The following LSM12 variants were observed in gnomAD, a reference collection of about 807,000 sequenced individuals.
LSM12 encodes protein LSM12.
For synonymous variants in LSM12, 74 were observed against 87.3 expected (o/e 0.85, Z 0.85); for missense variants, 108 against 238.9 (o/e 0.45, Z 3.61).
intron 2 of LSM12, among the ~76,000 whole-genome samples, chr17:44,051,379 G>A (rs2049641202): frequency 7.8e-6 from 1 of 128,384 alleles, no homozygotes; most frequent in Non-Finnish European, 1.6e-5. Context: ...GACAGAGCGA[G>A]ACTCCGTCTC....
chr17:44,041,011 A>G (rs1315635270), intron 2 of LSM12, among the ~76,000 whole-genome samples: 1 of 150,574 alleles, frequency 6.6e-6, no homozygotes, highest in Admixed American at 6.6e-5. Flanking sequence ...AAAAAAAAAT[A>G]CATACACATA....
At chr17:44,061,764 G>A (rs2049798311) in intron 2 of LSM12, among the ~76,000 whole-genome samples, 1 of 152,162 alleles carries the variant, frequency 6.6e-6, no homozygotes, top group South Asian at 2.1e-4. Flanking sequence ...ATTAATTCAA[G>A]AGACTTAATG....
chr17:44,059,140 G>A (rs1051895947), intron 2 of LSM12, among the ~76,000 whole-genome samples: 1 of 152,082 alleles, frequency 6.6e-6, no homozygotes, highest in Non-Finnish European at 1.5e-5. Flanking sequence ...CTGCACTCTA[G>A]CCTGGTCAAC....
intron 2 of LSM12, among the ~76,000 whole-genome samples, chr17:44,061,748 C>A (rs879616886): frequency 6.6e-6 from 1 of 152,146 alleles, no homozygotes; most frequent in Non-Finnish European, 1.5e-5. Flanking sequence ...GAAAAACTTC[C>A]ACCACATTAA....
At chr17:44,059,195 TACACAC>T (rs927202249) in intron 2 of LSM12, among the ~76,000 whole-genome samples, 1 of 151,640 alleles carries the variant, frequency 6.6e-6, no homozygotes, top group Non-Finnish European at 1.5e-5. Flanking sequence ...CACACACACA[TACACAC>T]ACACACGAAA....
At chr17:44,046,316 T>C (rs1214401207) in intron 2 of LSM12, among the ~76,000 whole-genome samples, 3 of 152,278 alleles carry the variant, frequency 2.0e-5, no homozygotes, top group Admixed American at 2.0e-4. Flanking sequence ...TTTACTTTTG[T>C]TAGGTAGATA....
chr17:44,037,811 T>C (rs1042208868), intron 3 of LSM12, among the ~76,000 whole-genome samples: 6 of 152,182 alleles, frequency 3.9e-5, no homozygotes, highest in Admixed American at 2.6e-4. Flanking sequence ...AAAAATGTGA[T>C]AGTGGCCTCA....
chr17:44,056,545 T>C (rs1199542978), intron 2 of LSM12, among the ~76,000 whole-genome samples: 3 of 151,284 alleles, frequency 2.0e-5, no homozygotes, highest in Admixed American at 6.6e-5. Context: ...CTGCTTGAGA[T>C]TGGGAGGCAT....
chr17:44,044,290 G>A (rs1188142381), intron 2 of LSM12, among the ~76,000 whole-genome samples: 1 of 152,156 alleles, frequency 6.6e-6, no homozygotes, highest in African/African-American at 2.4e-5. Context: ...CTTTAGACAG[G>A]CTGAGTAACA....
At chr17:44,054,675 G>A (rs2049688366) in intron 2 of LSM12, among the ~76,000 whole-genome samples, 2 of 151,892 alleles carry the variant, frequency 1.3e-5, no homozygotes, top group South Asian at 4.2e-4. Flanking sequence ...CTCACTACTT[G>A]ACATGCCCCT....
intron 2 of LSM12, among the ~76,000 whole-genome samples, chr17:44,058,990 G>A (rs560862848): frequency 6.6e-6 from 1 of 151,980 alleles, no homozygotes; most frequent in Non-Finnish European, 1.5e-5. Context: ...GGCACAGTGC[G>A]AGACTAACTA....
At chr17:44,039,678 G>T (rs1332225112) in intron 3 of LSM12, among the ~76,000 whole-genome samples, 2 of 151,922 alleles carry the variant, frequency 1.3e-5, no homozygotes, top group Non-Finnish European at 2.9e-5. Context: ...ACCGCGCCCG[G>T]CCCCAAAATG....
At chr17:44,066,692 T>C (rs1250139139), upstream of LSM12, 2 of 1,228,910 alleles carry the variant, frequency 1.6e-6, no homozygotes, top group Non-Finnish European at 2.0e-6. Flanking sequence ...CGTGCTTGCG[T>C]CACACGCCGG....
At chr17:44,043,947 C>A (rs185307327) in intron 2 of LSM12, among the ~76,000 whole-genome samples, 6 of 152,152 alleles carry the variant, frequency 3.9e-5, no homozygotes, top group African/African-American at 1.4e-4. Flanking sequence ...AACCTCAATC[C>A]CCTTTAAAAA....
intron 2 of LSM12, among the ~76,000 whole-genome samples, chr17:44,047,693 T>A (rs1049500852): frequency 6.6e-6 from 1 of 151,036 alleles, no homozygotes; most frequent in Non-Finnish European, 1.5e-5. Context: ...CTCCCAAGCA[T>A]CTGGAACCAC....
intron 2 of LSM12, among the ~76,000 whole-genome samples, chr17:44,063,462 A>C (rs1466987818): frequency 6.6e-6 from 1 of 152,058 alleles, no homozygotes; most frequent in Non-Finnish European, 1.5e-5. Context: ...GCACACATCC[A>C]CATATACACA....
chr17:44,043,806 TAAAAAAAA>T (rs768294471), intron 2 of LSM12, among the ~76,000 whole-genome samples: 3 of 135,628 alleles, frequency 2.2e-5, no homozygotes, highest in African/African-American at 8.1e-5. Flanking sequence ...CTGCCTCTAT[TAAAAAAAA>T]AAAAAAAAAT....
chr17:44,060,603 C>A (rs1173541229), intron 2 of LSM12, among the ~76,000 whole-genome samples: 1 of 152,202 alleles, frequency 6.6e-6, no homozygotes, highest in Non-Finnish European at 1.5e-5. Context: ...TCCCAGCAAA[C>A]CTCTTTCAAG....
upstream of LSM12, among the ~76,000 whole-genome samples, chr17:44,066,903 C>A: frequency 6.6e-6 from 1 of 152,244 alleles, no homozygotes; most frequent in East Asian, 1.9e-4. Context: ...ATTATATGCA[C>A]ACCTTCCACA....
Sources: allele counts gnomAD v4.1 joint callset (sites outside exome capture counted in the v4.1 genomes callset), GRCh38; gene constraint gnomAD v4.1.1; transcripts MANE v1.5; gene names NCBI Gene and HGNC (gene_info 2026-07-23, HGNC 2026-07-21).